The following CSMD1 variants were observed in gnomAD, a reference collection of about 807,000 sequenced individuals.
CSMD1 encodes the protein CUB and sushi domain-containing protein 1.
Under a neutral mutation model 417.5 loss-of-function variants are expected in CSMD1, and 213 were observed. That is an observed-to-expected ratio of 0.51 (90% CI 0.46 to 0.57). CSMD1 has a LOEUF of 0.57. CSMD1 is among the 20% of genes least tolerant of loss of function. The probability of loss-of-function intolerance (pLI) is 0.00; values close to 1 mark genes in which losing one functional copy is unlikely to be tolerated. For synonymous variants in CSMD1, 2,862 were observed against 1,736.8 expected, an observed-to-expected ratio of 1.65 and a Z score of -16.11; for missense variants, 6,923 against 4,529.7, an observed-to-expected ratio of 1.53 and a Z score of -15.17.
intron 17 of CSMD1, among the ~76,000 whole-genome samples, chr8:3,389,349 T>C (rs144671121): frequency 6.6e-6 from 1 of 152,264 alleles, no homozygotes; most frequent in East Asian, 1.9e-4. Context: ...CTCCCACTTA[T>C]AAGTGAGAAC....
chr8:4,491,794 C>T (rs926426688), intron 2 of CSMD1, among the ~76,000 whole-genome samples: 5 of 152,096 alleles, frequency 3.3e-5, no homozygotes, highest in Admixed American at 1.3e-4. Flanking sequence ...GGTAGAGTCA[C>T]GTTGGCAGAC....
chr8:3,612,527 C>G (rs937355352), intron 8 of CSMD1, among the ~76,000 whole-genome samples: 1 of 152,112 alleles, frequency 6.6e-6, no homozygotes, highest in Non-Finnish European at 1.5e-5. Context: ...GGTCATGGAA[C>G]ATTTACCAAG....
At chr8:4,674,000 A>G (rs998892158) in intron 1 of CSMD1, among the ~76,000 whole-genome samples, 2 of 152,226 alleles carry the variant, frequency 1.3e-5, no homozygotes, top group Non-Finnish European at 2.9e-5. Context: ...TGTGCACTAT[A>G]CAGAGGCAAA....
rs1797369129 is a variant in CSMD1, at chr8:4,031,948, T to G, written c.567A>C (p.Pro189=). Residue 189 remains proline, a synonymous_variant, in exon 4 of 70, where the codon CCA becomes CCC. Coordinates refer to ENST00000635120, the MANE Select transcript of CSMD1 (RefSeq NM_033225.6). ...GHAILTCIVS[P]GNGASWDFPA... ...GGAAGTCCCACGATGCACCATTTCC[T>G]GGGCTGACGATGCAGGTCAGGATGG... 2 of 1,613,966 alleles carry G rather than the reference T, an allele frequency of 1.2e-6. No homozygotes were observed. Among genetic ancestry groups the G allele is most frequent in the Admixed American group, 1.7e-5 (1 of 60,016 alleles).
chr8:4,160,000 T>G (rs534156193), intron 3 of CSMD1, among the ~76,000 whole-genome samples: 1 of 152,028 alleles, frequency 6.6e-6, no homozygotes, highest in African/African-American at 2.4e-5. Context: ...TATAATGCTC[T>G]GGTGATGGGT....
chr8:4,262,778 G>A (rs911769183), intron 3 of CSMD1, among the ~76,000 whole-genome samples: 2 of 152,164 alleles, frequency 1.3e-5, no homozygotes, highest in African/African-American at 2.4e-5. Flanking sequence ...GCTATGGAGA[G>A]GAAGGAAGTA....
At chr8:4,717,310 C>CATATAAATAT (rs1808719311) in intron 1 of CSMD1, among the ~76,000 whole-genome samples, 1 of 137,132 alleles carries the variant, frequency 7.3e-6, no homozygotes, top group Admixed American at 7.2e-5. Flanking sequence ...TCTCTCTCTC[C>CATATAAATAT]ATATATATAT....
chr8:3,094,158 T>C (rs554648864), intron 47 of CSMD1, among the ~76,000 whole-genome samples: 1 of 152,000 alleles, frequency 6.6e-6, no homozygotes, highest in Non-Finnish European at 1.5e-5. Context: ...CAGGCTGGAG[T>C]GCAATGGTAC....
intron 3 of CSMD1, among the ~76,000 whole-genome samples, chr8:4,170,223 C>G (rs940949539): frequency 3.3e-5 from 5 of 151,822 alleles, no homozygotes; most frequent in Non-Finnish European, 5.9e-5. Context: ...GCTGTTATCT[C>G]TTCTCTTTCC....
At chr8:4,408,739 C>A (rs1251089403) in intron 3 of CSMD1, among the ~76,000 whole-genome samples, 2 of 152,078 alleles carry the variant, frequency 1.3e-5, no homozygotes, top group African/African-American at 2.4e-5. Context: ...TAGAGGTCAA[C>A]AGAGTATCTA....
intron 2 of CSMD1, among the ~76,000 whole-genome samples, chr8:4,597,856 G>C (rs1380002630): frequency 1.3e-5 from 2 of 152,146 alleles, no homozygotes; most frequent in East Asian, 3.9e-4. Flanking sequence ...AGAAGCTTCT[G>C]ATGCAGTGAG....
intron 37 of CSMD1, among the ~76,000 whole-genome samples, chr8:3,174,608 G>C (rs943577811): frequency 6.6e-6 from 1 of 152,140 alleles, no homozygotes; most frequent in Non-Finnish European, 1.5e-5. Flanking sequence ...ATAGAACTAA[G>C]AGCTTATCTC....
intron 3 of CSMD1, among the ~76,000 whole-genome samples, chr8:4,413,545 C>G (rs957896726): frequency 4.6e-5 from 7 of 152,094 alleles, no homozygotes; most frequent in African/African-American, 1.7e-4. Flanking sequence ...GTACTGACAG[C>G]ACTAATTCTT....
chr8:4,259,488 C>T (rs1204700155), intron 3 of CSMD1, among the ~76,000 whole-genome samples: 1 of 151,912 alleles, frequency 6.6e-6, no homozygotes, highest in Non-Finnish European at 1.5e-5. Flanking sequence ...AATTTTCATA[C>T]ATAAAGTTTA....
chr8:4,059,079 T>G (rs1302891185), intron 3 of CSMD1, among the ~76,000 whole-genome samples: 2 of 151,976 alleles, frequency 1.3e-5, no homozygotes, highest in Non-Finnish European at 2.9e-5. Flanking sequence ...GAACAGAAAT[T>G]ATAACAAACT....
intron 3 of CSMD1, among the ~76,000 whole-genome samples, chr8:4,162,245 C>A (rs984124135): frequency 6.6e-6 from 1 of 152,182 alleles, no homozygotes; most frequent in East Asian, 1.9e-4. Flanking sequence ...ATCTAAGAAA[C>A]ATTCTGCAAT....
At position 3,869,961 on chromosome 8, in the gene CSMD1, T is replaced by C. The variant is rs560928833; in HGVS notation, c.819-115919A>G. On this transcript the variant is annotated intron_variant, in intron 5 of 69. Transcript: ENST00000635120. ...GAGTGAGCTAGCTATATGTCATCTA[T>C]ATATTTTAAAATTACAATAATAATA... is the stretch of plus-strand genomic sequence containing the variant. 1.2e-3 allele frequency among the ~76,000 whole-genome samples: 185 copies of C among 152,314 alleles called. 1 individual carries two copies. Among genetic ancestry groups the C allele is most frequent in the African/African-American group, 4.3e-3 (179 of 41,578 alleles).
intron 26 of CSMD1, among the ~76,000 whole-genome samples, chr8:3,260,034 G>C (rs560826806): frequency 6.6e-4 from 100 of 152,132 alleles, no homozygotes; most frequent in African/African-American, 2.2e-3. Context: ...CAGGGAAAAG[G>C]TTTGCTCCTC....
At chr8:3,643,574 G>A (rs1184253566) in intron 7 of CSMD1, among the ~76,000 whole-genome samples, 1 of 151,840 alleles carries the variant, frequency 6.6e-6, no homozygotes, top group Non-Finnish European at 1.5e-5. Flanking sequence ...GGTGGCGGGC[G>A]CCTGTAGTCC....
Sources: allele counts gnomAD v4.1 joint callset (sites outside exome capture counted in the v4.1 genomes callset), GRCh38; gene constraint gnomAD v4.1.1; transcripts MANE v1.5; gene names NCBI Gene and HGNC (gene_info 2026-07-23, HGNC 2026-07-21).